The following ELMO1 variants were observed in gnomAD, a reference collection of about 807,000 sequenced individuals.
ELMO1 encodes the protein engulfment and cell motility 1.
A neutral mutation model predicts 98.9 loss-of-function variants in ELMO1; 26 were observed. That is an observed-to-expected ratio of 0.26 (90% CI 0.19 to 0.36). ELMO1 has a LOEUF of 0.36. Among genes scored for constraint, ELMO1 ranks in the 10% least tolerant of loss-of-function variants. ELMO1 has a pLI of 1.00. For synonymous variants in ELMO1, 346 were observed against 346.0 expected (o/e 1.00, Z 0.00); for missense variants, 627 against 935.2 (o/e 0.67, Z 4.30).
At chr7:37,243,058 T>C (rs1165702207) in intron 7 of ELMO1, among the ~76,000 whole-genome samples, 1 of 152,220 alleles carries the variant, frequency 6.6e-6, no homozygotes, top group East Asian at 1.9e-4. Context: ...ATAATTGTTA[T>C]CTGTGTTAGT....
intron 15 of ELMO1, among the ~76,000 whole-genome samples, chr7:37,019,974 C>T (rs1388724569): frequency 6.6e-6 from 1 of 152,124 alleles, no homozygotes; most frequent in Non-Finnish European, 1.5e-5. Flanking sequence ...TACCACTTTG[C>T]CTGTCAAAGT....
intron 2 of ELMO1, among the ~76,000 whole-genome samples, chr7:37,329,589 G>A (rs1288230437): frequency 2.0e-5 from 3 of 152,120 alleles, no homozygotes; most frequent in Admixed American, 6.5e-5. Flanking sequence ...AAAACCCGAA[G>A]GAAATATGAA....
At chr7:37,266,858 C>A (rs1441013854) in intron 5 of ELMO1, among the ~76,000 whole-genome samples, 1 of 151,776 alleles carries the variant, frequency 6.6e-6, no homozygotes, top group Non-Finnish European at 1.5e-5. Flanking sequence ...ACTAAAAATA[C>A]AAAAATTAGC....
chr7:37,051,644 C>T (rs1312599356), intron 15 of ELMO1, among the ~76,000 whole-genome samples: 1 of 151,784 alleles, frequency 6.6e-6, no homozygotes, highest in Non-Finnish European at 1.5e-5. Context: ...TTACTAACTA[C>T]ATAATTGGGT....
At chr7:36,887,710 G>A (rs1805152544) in intron 17 of ELMO1, 38 bp from the exon 18 acceptor site, 2 of 1,597,364 alleles carry the variant, frequency 1.3e-6, no homozygotes, top group Non-Finnish European at 8.6e-7. Context: ...AGCATGCCTT[G>A]AGAAACAGAG....
chr7:36,865,116 C>A (rs1015470426), intron 20 of ELMO1, among the ~76,000 whole-genome samples: 15 of 152,166 alleles, frequency 9.9e-5, no homozygotes, highest in African/African-American at 2.9e-4. Flanking sequence ...GAGTTGTATG[C>A]AACATATTTT....
At chr7:37,117,785 G>A (rs1346896688) in intron 14 of ELMO1, among the ~76,000 whole-genome samples, 1 of 152,126 alleles carries the variant, frequency 6.6e-6, no homozygotes, top group African/African-American at 2.4e-5. Flanking sequence ...ATGAGACAAA[G>A]AATCATTTCA....
At chr7:37,096,988 A>T (rs150486288) in intron 14 of ELMO1, among the ~76,000 whole-genome samples, 2 of 152,168 alleles carry the variant, frequency 1.3e-5, no homozygotes, top group Admixed American at 1.3e-4. Flanking sequence ...AGAAGCCTGG[A>T]GAGTGTTTTG....
At chr7:37,054,938 A>G (rs1424248835) in intron 15 of ELMO1, among the ~76,000 whole-genome samples, 1 of 152,262 alleles carries the variant, frequency 6.6e-6, no homozygotes, top group Non-Finnish European at 1.5e-5. Context: ...CCATTCATGA[A>G]CATATTAGCA....
chr7:37,079,212 AT>A (rs1362905928), intron 15 of ELMO1, among the ~76,000 whole-genome samples: 5 of 152,208 alleles, frequency 3.3e-5, no homozygotes, highest in African/African-American at 4.8e-5. Context: ...CAATAAAAAA[AT>A]CTCACTTGAC....
At chr7:36,989,824 C>T (rs181044363) in intron 16 of ELMO1, among the ~76,000 whole-genome samples, 8 of 152,258 alleles carry the variant, frequency 5.3e-5, no homozygotes, top group Admixed American at 3.3e-4. Context: ...TTAGAACCAT[C>T]AGCAATAAGG....
intron 13 of ELMO1, among the ~76,000 whole-genome samples, chr7:37,138,690 A>G (rs1354551688): frequency 6.6e-6 from 1 of 152,208 alleles, no homozygotes; most frequent in Non-Finnish European, 1.5e-5. Context: ...TCCAAAAGAT[A>G]GAGAGAGAGG....
At chr7:36,998,783 C>G (rs750332288) in intron 16 of ELMO1, among the ~76,000 whole-genome samples, 1 of 152,054 alleles carries the variant, frequency 6.6e-6, no homozygotes, top group Admixed American at 6.6e-5. Flanking sequence ...AGTCCTATTT[C>G]TCTTCTTTTG....
At chr7:37,124,156 T>C (rs1323693621) in intron 14 of ELMO1, among the ~76,000 whole-genome samples, 1 of 152,184 alleles carries the variant, frequency 6.6e-6, no homozygotes, top group Non-Finnish European at 1.5e-5. Context: ...GAGCTATCTA[T>C]GACAAACCCA....
intron 16 of ELMO1, among the ~76,000 whole-genome samples, chr7:36,910,029 G>A (rs1007038430): frequency 1.3e-5 from 2 of 152,170 alleles, no homozygotes; most frequent in Non-Finnish European, 2.9e-5. Flanking sequence ...ATAGACAGCA[G>A]GAAACTAGGG....
At chr7:37,089,252 C>T (rs1263984508) in intron 15 of ELMO1, among the ~76,000 whole-genome samples, 5 of 152,036 alleles carry the variant, frequency 3.3e-5, no homozygotes, top group Non-Finnish European at 1.5e-5. Context: ...GTGCTCCACT[C>T]GGCACCACTG....
At chr7:37,201,198 A>C (rs1792274822) in intron 13 of ELMO1, among the ~76,000 whole-genome samples, 2 of 152,106 alleles carry the variant, frequency 1.3e-5, no homozygotes, top group Admixed American at 1.3e-4. Context: ...ACTTCCCCAT[A>C]CAGCTTTGCA....
chr7:37,092,666 C>T (rs926532862), intron 15 of ELMO1, among the ~76,000 whole-genome samples: 40 of 152,262 alleles, frequency 2.6e-4, no homozygotes, highest in African/African-American at 9.4e-4. Flanking sequence ...TGAGCCAACA[C>T]ATCCGGCCCT....
intron 16 of ELMO1, among the ~76,000 whole-genome samples, chr7:36,966,084 G>C (rs890339894): frequency 3.3e-5 from 5 of 152,166 alleles, no homozygotes; most frequent in Non-Finnish European, 5.9e-5. Flanking sequence ...TGGTGTAATA[G>C]AGCCATATTT....
Sources: allele counts gnomAD v4.1 joint callset (sites outside exome capture counted in the v4.1 genomes callset), GRCh38; gene constraint gnomAD v4.1.1; transcripts MANE v1.5; gene names NCBI Gene and HGNC (gene_info 2026-07-23, HGNC 2026-07-21).